PPP2R3A: variants seen among roughly 807,000 people sequenced by gnomAD.
The protein encoded by PPP2R3A is serine/threonine-protein phosphatase 2A regulatory subunit B'' subunit alpha.
In PPP2R3A, 80 loss-of-function variants were observed where a neutral mutation model predicts 106.9. That is an observed-to-expected ratio of 0.75 (90% CI 0.62 to 0.90). PPP2R3A has a LOEUF of 0.90. Among genes scored for constraint, PPP2R3A ranks in the 40% least tolerant of loss-of-function variants. The pLI is 0.00. For missense variants in PPP2R3A, 1,386 were observed against 1,350.4 expected, an observed-to-expected ratio of 1.03 and a Z score of -0.41; for synonymous variants, 483 against 468.3, an observed-to-expected ratio of 1.03 and a Z score of -0.41.
intron 10 of PPP2R3A, 81 bp downstream of exon 10, chr3:136,090,748 G>C: frequency 9.0e-7 from 1 of 1,116,922 alleles, no homozygotes. Flanking sequence ...ATTATACCTA[G>C]TGAGGCCAAC....
intron 3 of PPP2R3A, among the ~76,000 whole-genome samples, chr3:136,027,563 T>C (rs1934714173): frequency 6.6e-6 from 1 of 152,166 alleles, no homozygotes; most frequent in Non-Finnish European, 1.5e-5. Flanking sequence ...CTTTCAAATA[T>C]ATCCAACTGC....
intron 13 of PPP2R3A, among the ~76,000 whole-genome samples, chr3:136,119,290 C>T (rs1937901742): frequency 6.6e-6 from 1 of 152,158 alleles, no homozygotes; most frequent in Non-Finnish European, 1.5e-5. Context: ...TAGGCAGTAC[C>T]ATTCAAGACA....
intron 5 of PPP2R3A, among the ~76,000 whole-genome samples, chr3:136,051,437 G>T (rs997776506): frequency 5.9e-5 from 9 of 152,066 alleles, no homozygotes; most frequent in Non-Finnish European, 1.0e-4. Flanking sequence ...TCAATTGATT[G>T]TCCTGCCTCA....
chr3:135,978,052 A>G (rs1937468282), intron 1 of PPP2R3A, among the ~76,000 whole-genome samples: 2 of 152,114 alleles, frequency 1.3e-5, no homozygotes, highest in Non-Finnish European at 2.9e-5. Context: ...TTAAAACTGT[A>G]TGATTAAAGG....
At chr3:136,101,699 T>C (rs1331344146) in intron 10 of PPP2R3A, among the ~76,000 whole-genome samples, 1 of 152,182 alleles carries the variant, frequency 6.6e-6, no homozygotes, top group Admixed American at 6.5e-5. Context: ...GTGCTGGGAT[T>C]ACAGGCATGA....
At chr3:136,099,414 GA>G (rs1161898098) in intron 10 of PPP2R3A, among the ~76,000 whole-genome samples, 1 of 151,196 alleles carries the variant, frequency 6.6e-6, no homozygotes, top group Non-Finnish European at 1.5e-5. Flanking sequence ...AACATTACAA[GA>G]AAAAAAACAC....
intron 12 of PPP2R3A, among the ~76,000 whole-genome samples, chr3:136,104,216 C>G (rs1937455180): frequency 6.6e-6 from 1 of 152,124 alleles, no homozygotes; most frequent in African/African-American, 2.4e-5. Flanking sequence ...CTCAGCATAT[C>G]AAGTTGCATT....
intron 8 of PPP2R3A, among the ~76,000 whole-genome samples, chr3:136,083,825 A>G (rs567345691): frequency 6.6e-6 from 1 of 152,368 alleles, no homozygotes; most frequent in South Asian, 2.1e-4. Context: ...ACTGGAGTAA[A>G]GGTCACTCTT....
intron 1 of PPP2R3A, among the ~76,000 whole-genome samples, chr3:135,992,078 C>T (rs1357708610): frequency 6.6e-6 from 1 of 152,000 alleles, no homozygotes; most frequent in Non-Finnish European, 1.5e-5. Flanking sequence ...AATTTCTCAA[C>T]TATTTTTGAA....
intron 6 of PPP2R3A, among the ~76,000 whole-genome samples, chr3:136,071,144 C>T (rs547871145): frequency 6.6e-6 from 1 of 152,380 alleles, no homozygotes; most frequent in Admixed American, 6.5e-5. Context: ...TCTGCTCTAG[C>T]TCCCACATTA....
At chr3:136,008,739 C>T (rs2107798192) in intron 2 of PPP2R3A, among the ~76,000 whole-genome samples, 1 of 152,162 alleles carries the variant, frequency 6.6e-6, no homozygotes, top group South Asian at 2.1e-4. Flanking sequence ...AATCTCATAT[C>T]CAGGTGTTCC....
intron 4 of PPP2R3A, among the ~76,000 whole-genome samples, chr3:136,043,881 T>G (rs1935380201): frequency 6.6e-6 from 1 of 152,202 alleles, no homozygotes; most frequent in Non-Finnish European, 1.5e-5. Context: ...TTATCATCTT[T>G]TCTCCTGCCA....
chr3:136,098,774 A>G (rs1233028226), intron 10 of PPP2R3A, among the ~76,000 whole-genome samples: 1 of 152,150 alleles, frequency 6.6e-6, no homozygotes, highest in Non-Finnish European at 1.5e-5. Flanking sequence ...ACCCAGCAAA[A>G]CCTGCAGACA....
chr3:136,124,814 A>G (rs899890601), intron 13 of PPP2R3A, among the ~76,000 whole-genome samples: 2 of 152,164 alleles, frequency 1.3e-5, no homozygotes, highest in Non-Finnish European at 2.9e-5. Context: ...ATGGAAGAGG[A>G]AACATCACAG....
In PPP2R3A at chr3:136,002,572, T is replaced by C. The variant is rs147674031; in HGVS notation, c.1074T>C (p.Pro358=). Reference sequence around the variant, plus strand: ...CTATTGAATTGCAAAATGACAAGCCTAATTCTAGGAAGATGGACACTGTAC... The same window carrying C: ...CTATTGAATTGCAAAATGACAAGCCCAATTCTAGGAAGATGGACACTGTAC... ...FQTIELQNDK[P]NSRKMDTVQS... is the part of the protein sequence containing the mutation. The change falls in exon 2 of 14, where the codon CCT becomes CCC. Residue 358 remains proline (P), a synonymous_variant. Transcript: ENST00000264977. 109 of 1,613,806 alleles carry C rather than the reference T, an allele frequency of 6.8e-5. No homozygotes were observed. The highest frequency in any genetic ancestry group is 9.0e-5 in the Non-Finnish European group (106 of 1,179,882).
chr3:136,132,169 A>G (rs576790277), intron 13 of PPP2R3A, among the ~76,000 whole-genome samples: 18 of 152,284 alleles, frequency 1.2e-4, no homozygotes, highest in Admixed American at 9.1e-4. Flanking sequence ...ATAATAAAAA[A>G]AAAACGAATG....
intron 6 of PPP2R3A, among the ~76,000 whole-genome samples, chr3:136,073,701 A>G (rs1936510999): frequency 6.6e-6 from 1 of 152,230 alleles, no homozygotes. Context: ...AAAAGGGCAA[A>G]TAAAAAGTAT....
At chr3:136,119,396 T>A (rs1399922589) in intron 13 of PPP2R3A, among the ~76,000 whole-genome samples, 1 of 152,220 alleles carries the variant, frequency 6.6e-6, no homozygotes, top group African/African-American at 2.4e-5. Context: ...AAAGAGTTTC[T>A]ACACAGCAAA....
intron 13 of PPP2R3A, among the ~76,000 whole-genome samples, chr3:136,127,249 A>G (rs1353180890): frequency 6.6e-6 from 1 of 152,190 alleles, no homozygotes; most frequent in African/African-American, 2.4e-5. Context: ...AACCCATTGC[A>G]AGGAAGCTAA....
Sources: gnomAD v4.1 joint callset for allele counts (sites outside exome capture counted in the v4.1 genomes callset) on GRCh38, gnomAD v4.1.1 for gene constraint, MANE v1.5 for transcripts, NCBI Gene and HGNC (gene_info 2026-07-23, HGNC 2026-07-21) for gene names.